The following MAP3K7CL variants were observed in gnomAD, a reference collection of about 807,000 sequenced individuals.
The protein encoded by MAP3K7CL is MAP3K7 C-terminal like, also known as MAP3K7 C-terminal-like protein.
Under a neutral mutation model 18.6 loss-of-function variants are expected in MAP3K7CL, and 16 were observed. The observed-to-expected ratio is 0.86, with a 90% CI of 0.58 to 1.31. MAP3K7CL has a LOEUF of 1.31. MAP3K7CL is among the 50% of genes most tolerant of loss of function. The pLI, the probability that MAP3K7CL is intolerant of heterozygous loss-of-function variation, is 0.00. For synonymous variants in MAP3K7CL, 65 were observed against 66.8 expected (o/e 0.97, Z 0.13); for missense variants, 163 against 174.4 (o/e 0.93, Z 0.37).
chr21:29,110,998 T>C (rs897708013), intron 4 of MAP3K7CL, among the ~76,000 whole-genome samples: 1 of 152,148 alleles, frequency 6.6e-6, no homozygotes. Context: ...GGCTCACGGC[T>C]GTAATCCCAG....
chr21:29,085,587 CAAA>C, upstream of MAP3K7CL, among the ~76,000 whole-genome samples: 1 of 133,180 alleles, frequency 7.5e-6, no homozygotes, highest in Admixed American at 7.5e-5. Flanking sequence ...TAAATTCTAT[CAAA>C]AATGATTCAA....
At position 29,087,589 on chromosome 21, in the gene MAP3K7CL, CTTT is replaced by C. The variant is rs56775764; in HGVS notation, c.57+1692_57+1694del. 9.3e-3 allele frequency among the ~76,000 whole-genome samples: 967 copies of C among 104,290 alleles called. 7 individuals carry two copies. The highest frequency in any genetic ancestry group is 0.08 in the East Asian group (267 of 3,336). The allele number at this position is 104,290 out of a possible 152,430, so 68.4% of individuals were successfully genotyped here. The stretch of plus-strand genomic sequence containing the variant: ...TAAATCTAATGCTCATTTTCTTTTT[CTTT>C]TTTTTTTTTTTTTTTTTTTGAGACA... On this transcript the variant is annotated intron_variant, in intron 1 of 6. Transcript: ENST00000286791.
At chr21:29,158,182 G>C (rs1601257556) in intron 3 of MAP3K7CL, among the ~76,000 whole-genome samples, 2 of 152,168 alleles carry the variant, frequency 1.3e-5, no homozygotes, top group African/African-American at 4.8e-5. Context: ...TGTTATACCT[G>C]GTAAGTTGCC....
chr21:29,108,999 C>T, intron 4 of MAP3K7CL: 1 of 1,483,200 alleles, frequency 6.7e-7, no homozygotes, highest in Non-Finnish European at 9.0e-7. Flanking sequence ...CGGCTGGACC[C>T]AAATAATTTT....
At chr21:29,143,273 G>C (rs576986283) in intron 2 of MAP3K7CL, among the ~76,000 whole-genome samples, 1 of 152,170 alleles carries the variant, frequency 6.6e-6, no homozygotes, top group Admixed American at 6.5e-5. Context: ...GAAGCCAGCT[G>C]TAACTGCAGG....
At chr21:29,099,261 A>ATTTTTTT (rs968362985) in intron 4 of MAP3K7CL, among the ~76,000 whole-genome samples, 17 of 83,070 alleles carry the variant, frequency 2.0e-4, no homozygotes, top group African/African-American at 3.7e-4. Context: ...CAGCTAATTG[A>ATTTTTTT]TTTTTTTTTT....
intron 1 of MAP3K7CL, among the ~76,000 whole-genome samples, chr21:29,089,618 C>T (rs1172744708): frequency 3.3e-5 from 5 of 152,132 alleles, no homozygotes; most frequent in African/African-American, 1.2e-4. Flanking sequence ...TATTTCTTTA[C>T]TTTGTCTGCC....
chr21:29,137,333 G>A (rs2086907838), intron 2 of MAP3K7CL, among the ~76,000 whole-genome samples: 1 of 152,176 alleles, frequency 6.6e-6, no homozygotes, highest in Admixed American at 6.5e-5. Context: ...GTTTCCAGCA[G>A]TCTGCCAAAG....
intron 4 of MAP3K7CL, among the ~76,000 whole-genome samples, chr21:29,172,608 T>A (rs1435408566): frequency 6.6e-6 from 1 of 152,200 alleles, no homozygotes; most frequent in Non-Finnish European, 1.5e-5. Context: ...TCCTGTTACA[T>A]ATCCATATTT....
rs114764711 is a variant in MAP3K7CL at position 29,172,459 on chromosome 21, G to C, written c.249-2253G>C. On this transcript the variant is annotated intron_variant, in intron 4 of 4. Coordinates refer to ENST00000399928, the MANE Select transcript of MAP3K7CL (RefSeq NM_001286620.2). The stretch of plus-strand genomic sequence containing the variant: ...CTCATGACTAGCAGTGTCAACTTTG[G>C]TCATTTGGTGAAAGTGGCCTTCCAG... Among the ~76,000 whole-genome samples, 1,098 of 152,152 alleles carry C rather than the reference G, an allele frequency of 7.2e-3. 12 individuals are homozygous for C. Among genetic ancestry groups the C allele is most frequent in the African/African-American group, 0.025 (1,038 of 41,514 alleles).
At chr21:29,109,736 C>G in intron 4 of MAP3K7CL, 1 of 985,778 alleles carries the variant, frequency 1.0e-6, no homozygotes, top group Non-Finnish European at 1.2e-6. Context: ...AGTTATATCT[C>G]AAGCTGGCCC....
chr21:29,137,840 G>A (rs1018678185), intron 2 of MAP3K7CL, among the ~76,000 whole-genome samples: 5 of 152,212 alleles, frequency 3.3e-5, no homozygotes, highest in Non-Finnish European at 5.9e-5. Flanking sequence ...GATCAAAAGC[G>A]ATGAAGTGTC....
At chr21:29,158,917 CTTTTTTTTTT>C (rs36003464) in intron 3 of MAP3K7CL, among the ~76,000 whole-genome samples, 2 of 100,436 alleles carry the variant, frequency 2.0e-5, no homozygotes, top group African/African-American at 8.0e-5. Context: ...AAAAGTAGTA[CTTTTTTTTTT>C]TTTTTTTTTT....
chr21:29,135,906 G>A (rs994209015), intron 2 of MAP3K7CL, among the ~76,000 whole-genome samples: 1 of 152,174 alleles, frequency 6.6e-6, no homozygotes, highest in East Asian at 1.9e-4. Flanking sequence ...TAATCTTATG[G>A]TCAGTGTGTC....
intron 3 of MAP3K7CL, among the ~76,000 whole-genome samples, chr21:29,153,020 C>T (rs1010189372): frequency 1.3e-5 from 2 of 152,126 alleles, no homozygotes; most frequent in Non-Finnish European, 2.9e-5. Flanking sequence ...GGTAGACACT[C>T]AATCACTAAT....
At chr21:29,130,536 T>G, upstream of MAP3K7CL, 2 of 913,706 alleles carry the variant, frequency 2.2e-6, 1 homozygote. Flanking sequence ...TATTTTAAGT[T>G]TGCCAGGACT....
intron 2 of MAP3K7CL, among the ~76,000 whole-genome samples, chr21:29,142,506 C>T (rs963609323): frequency 6.6e-6 from 1 of 152,104 alleles, no homozygotes; most frequent in African/African-American, 2.4e-5. Context: ...CTGTGTTTTG[C>T]CTTTGTATTA....
At chr21:29,133,110 G>C (rs1405343089) in intron 1 of MAP3K7CL, among the ~76,000 whole-genome samples, 196 bp from the exon 2 acceptor site, 1 of 151,876 alleles carries the variant, frequency 6.6e-6, no homozygotes, top group East Asian at 1.9e-4. Context: ...ATTTTTTCTT[G>C]AGCCAAGAAA....
At chr21:29,171,122 G>A (rs17814339) in intron 4 of MAP3K7CL, among the ~76,000 whole-genome samples, 12,693 of 152,074 alleles carry the variant, frequency 0.083, 689 homozygotes, top group Non-Finnish European at 0.13. Flanking sequence ...CTTATTAGCT[G>A]TGTGACTTTT....
Sources: gnomAD v4.1 joint callset for allele counts (sites outside exome capture counted in the v4.1 genomes callset) on GRCh38, gnomAD v4.1.1 for gene constraint, MANE v1.5 for transcripts, NCBI Gene and HGNC (gene_info 2026-07-23, HGNC 2026-07-21) for gene names.